The following KLRK1 variants were observed in gnomAD, a reference collection of about 807,000 sequenced individuals.
KLRK1 encodes killer cell lectin like receptor K1, also known as NKG2-D type II integral membrane protein.
Under a neutral mutation model 31.3 loss-of-function variants are expected in KLRK1, and 40 were observed. The observed-to-expected ratio is 1.28, with a 90% confidence interval of 0.99 to 1.67. KLRK1 has a LOEUF of 1.67. Ranked by LOEUF, KLRK1 falls within the 40% of genes most tolerant of loss-of-function variation. KLRK1 has a pLI of 0.00. For missense variants in KLRK1, 251 were observed against 260.0 expected (o/e 0.97, Z 0.24); for synonymous variants, 77 against 77.3 (o/e 1.00, Z 0.02).
chr12:10,372,649 C>CGTAT lies in KLRK1; in HGVS notation c.*464_*465insATAC. The CGTAT allele has an allele frequency of 5.3e-6, 1 of 188,054 alleles. No individual in the cohort carries two copies. The highest frequency in any genetic ancestry group is 1.1e-5 in the Non-Finnish European group (1 of 93,124). 11.6% of individuals were successfully genotyped at this position (188,054 alleles called of 1,614,324 possible). A position where few individuals can be genotyped will look rare whatever the true frequency, so the allele number is the denominator to read the frequency against. Reference sequence around the variant, plus strand: ...TCCCTGACCCCGTTGGGTGGAGGACCCATTAAAAGTGGCAGCATGACCCCC... The same window carrying CGTAT: ...TCCCTGACCCCGTTGGGTGGAGGACCGTATCATTAAAAGTGGCAGCATGACCCCC... On this transcript the variant is annotated 3_prime_UTR_variant, in exon 8 of 8. Coordinates refer to ENST00000240618, the MANE Select transcript of KLRK1 (RefSeq NM_007360.4).
chr12:10,374,831 A>C (rs1862933670), intron 7 of KLRK1, among the ~76,000 whole-genome samples: 1 of 152,230 alleles, frequency 6.6e-6, no homozygotes, highest in Non-Finnish European at 1.5e-5. Flanking sequence ...TTGAAGCTCT[A>C]AAATGAGTTT....
chr12:10,389,606 A>G (rs943281858), intron 1 of KLRK1, among the ~76,000 whole-genome samples: 2 of 151,990 alleles, frequency 1.3e-5, no homozygotes, highest in African/African-American at 4.8e-5. Flanking sequence ...GCATCAGAAA[A>G]CTCAAAAATT....
chr12:10,389,561 G>A (rs909107896), intron 1 of KLRK1, among the ~76,000 whole-genome samples: 1 of 152,120 alleles, frequency 6.6e-6, no homozygotes, highest in African/African-American at 2.4e-5. Context: ...CACCTTGCAT[G>A]TAAAGATGTG....
Position 10,379,808 on chromosome 12 carries a change from G to T in KLRK1, c.149-16C>A. ...AATGGAGATGCTGTCAAAGAAAAAAGACACAGATCAGAGAAAGAAGCATAA... is the reference window on the plus strand; with the variant it reads ...AATGGAGATGCTGTCAAAGAAAAAATACACAGATCAGAGAAAGAAGCATAA... On this transcript the variant is annotated splice_polypyrimidine_tract_variant and intron_variant, in intron 3 of 7. Coordinates refer to ENST00000240618, the MANE Select transcript of KLRK1 (RefSeq NM_007360.4). 2 of 1,607,416 alleles carry T rather than the reference G, an allele frequency of 1.2e-6. No homozygotes were observed. Among genetic ancestry groups the T allele is most frequent in the South Asian group, 1.1e-5 (1 of 89,458 alleles).
chr12:10,383,253 A>C (rs1863109340), intron 3 of KLRK1, among the ~76,000 whole-genome samples: 2 of 152,126 alleles, frequency 1.3e-5, no homozygotes, highest in African/African-American at 2.4e-5. Context: ...TATTGCCTAC[A>C]AGAAACCCAC....
intron 1 of KLRK1, among the ~76,000 whole-genome samples, chr12:10,389,549 T>C (rs557107320): frequency 6.6e-6 from 1 of 152,280 alleles, no homozygotes; most frequent in Admixed American, 6.5e-5. Flanking sequence ...TATAACTTGT[T>C]TCACCTTGCA....
At chr12:10,379,372 G>A (rs2137808724) in intron 5 of KLRK1, 75 bp downstream of exon 5, 1 of 888,796 alleles carries the variant, frequency 1.1e-6, no homozygotes, top group South Asian at 2.7e-5. Flanking sequence ...TTTTAATCAT[G>A]GAATACATGT....
intron 7 of KLRK1, among the ~76,000 whole-genome samples, chr12:10,376,715 C>CA (rs1191619572): frequency 9.9e-5 from 15 of 151,934 alleles, no homozygotes; most frequent in African/African-American, 3.6e-4. Context: ...TAAGCACACA[C>CA]AAAAAAATGC....
intron 7 of KLRK1, among the ~76,000 whole-genome samples, chr12:10,375,687 T>G (rs942986249): frequency 1.3e-5 from 2 of 152,192 alleles, no homozygotes; most frequent in African/African-American, 4.8e-5. Context: ...AGTGACAAAA[T>G]GCTTAGGTTT....
At chr12:10,373,328 A>G (rs1862898434) in intron 7 of KLRK1, 97 bp from the exon 8 acceptor site, 1 of 1,029,416 alleles carries the variant, frequency 9.7e-7, no homozygotes, top group Non-Finnish European at 1.4e-6. Context: ...CAGGAACTTA[A>G]TACCATTTTA....
At chr12:10,374,456 A>C in intron 7 of KLRK1, among the ~76,000 whole-genome samples, 1 of 146,806 alleles carries the variant, frequency 6.8e-6, no homozygotes, top group African/African-American at 2.7e-5. Context: ...GCAGTGGCGC[A>C]ATCTCGGCTC....
At chr12:10,373,867 A>G (rs940101310) in intron 7 of KLRK1, among the ~76,000 whole-genome samples, 2 of 152,218 alleles carry the variant, frequency 1.3e-5, no homozygotes, top group Admixed American at 1.3e-4. Flanking sequence ...AAGAGTGAGG[A>G]TGTCACTTCA....
At chr12:10,374,603 C>T (rs577296076) in intron 7 of KLRK1, among the ~76,000 whole-genome samples, 34 of 150,546 alleles carry the variant, frequency 2.3e-4, no homozygotes, top group Non-Finnish European at 4.0e-4. Flanking sequence ...CCATGTTGGC[C>T]AAGCTGGACT....
At chr12:10,387,092 T>C in intron 2 of KLRK1, 82 bp from the exon 3 acceptor site, 1 of 1,048,980 alleles carries the variant, frequency 9.5e-7, no homozygotes, top group Admixed American at 2.5e-5. Flanking sequence ...CAGCTTGCCA[T>C]TTCCATCTAT....
chr12:10,375,179 T>C (rs1341893627), intron 7 of KLRK1, among the ~76,000 whole-genome samples: 4 of 152,096 alleles, frequency 2.6e-5, no homozygotes, highest in Non-Finnish European at 5.9e-5. Context: ...AAGGGGAAAA[T>C]TGAAAATAAC....
In KLRK1 at chr12:10,388,840, G is replaced by C; in HGVS notation, c.-30C>G. On this transcript the variant is annotated 5_prime_UTR_variant, in exon 2 of 8. Transcript: ENST00000240618. Reference sequence around the variant, plus strand: ...TACTTATAAGTGCACGTCTACCGCAGAGAGGAATCTAAAGTCTTCAATGCA... The same window carrying C: ...TACTTATAAGTGCACGTCTACCGCACAGAGGAATCTAAAGTCTTCAATGCA... 1 of 1,613,518 alleles carries C rather than the reference G, an allele frequency of 6.2e-7. No individual in the cohort carries two copies. Among genetic ancestry groups the C allele is most frequent in the Non-Finnish European group, 8.5e-7 (1 of 1,179,708 alleles).
In KLRK1 at chr12:10,378,302, TA is replaced by T. The variant is rs779257124; in HGVS notation, c.430-68del. On this transcript the variant is annotated intron_variant, in intron 6 of 7. Coordinates refer to ENST00000240618, the MANE Select transcript of KLRK1 (RefSeq NM_007360.4). The stretch of plus-strand genomic sequence containing the variant: ...GATAATTTTAGTAAACGCAAGACCA[TA>T]ACCATTTCATCTGTTCTCACACTTG... 1,137 of 1,520,716 alleles carry T rather than the reference TA, an allele frequency of 7.5e-4. 1 individual carries two copies. Among genetic ancestry groups the T allele is most frequent in the Admixed American group, 1.4e-3 (80 of 56,306 alleles). The allele number at this position is 1,520,716 out of a possible 1,614,324, so 94.2% of individuals were successfully genotyped here.
chr12:10,388,710 A>G, intron 2 of KLRK1, 61 bp downstream of exon 2: 6 of 1,606,432 alleles, frequency 3.7e-6, no homozygotes, highest in African/African-American at 1.3e-5. Context: ...CTTGTATGAA[A>G]TTCTTGGTAT....
chr12:10,376,162 C>G (rs55670136), intron 7 of KLRK1, among the ~76,000 whole-genome samples: 8,207 of 152,188 alleles, frequency 0.054, 733 homozygotes, highest in African/African-American at 0.19. Flanking sequence ...TAGTATTTTG[C>G]CTGTTTCTAC....
Sources: gnomAD v4.1 joint callset for allele counts (sites outside exome capture counted in the v4.1 genomes callset) on GRCh38, gnomAD v4.1.1 for gene constraint, MANE v1.5 for transcripts, NCBI Gene and HGNC (gene_info 2026-07-23, HGNC 2026-07-21) for gene names.